Variants in CLEC2A observed in about 807,000 individuals in gnomAD.
CLEC2A encodes the protein keratinocyte-associated C-type lectin.
A neutral mutation model predicts 18.6 loss-of-function variants in CLEC2A; 19 were observed. The ratio of observed to expected loss-of-function variants is 1.02; its 90% CI spans 0.71 to 1.50. CLEC2A has a LOEUF of 1.50. Ranked by LOEUF, CLEC2A falls within the 40% of genes most tolerant of loss-of-function variation. The pLI is 0.00. For missense variants in CLEC2A, 190 were observed against 207.9 expected (o/e 0.91, Z 0.53); for synonymous variants, 74 against 64.0 (o/e 1.16, Z -0.75).
chr12:9,922,637 A>G (rs1323052836), intron 2 of CLEC2A, among the ~76,000 whole-genome samples: 1 of 152,256 alleles, frequency 6.6e-6, no homozygotes, highest in Non-Finnish European at 1.5e-5. Context: ...AAGCTAGGAA[A>G]GTGAAACTTG....
chr12:9,917,155 C>T (rs1863085827), intron 3 of CLEC2A, among the ~76,000 whole-genome samples: 1 of 152,128 alleles, frequency 6.6e-6, no homozygotes, highest in Non-Finnish European at 1.5e-5. Flanking sequence ...TATGTGATGG[C>T]TTTAGTCACT....
the CLEC2A span, among the ~76,000 whole-genome samples, chr12:9,892,108 T>C: frequency 6.6e-6 from 1 of 152,230 alleles, no homozygotes; most frequent in Non-Finnish European, 1.5e-5. Context: ...TCCTTTGCTT[T>C]AGCAAATGTA....
chr12:9,904,919 C>T (rs1862885937), intron 4 of CLEC2A, among the ~76,000 whole-genome samples: 1 of 152,142 alleles, frequency 6.6e-6, no homozygotes, highest in African/African-American at 2.4e-5. Context: ...ACCACAGGGA[C>T]TTTTTAAGGC....
the CLEC2A span, among the ~76,000 whole-genome samples, chr12:9,885,781 T>C: frequency 1.3e-5 from 2 of 152,072 alleles, no homozygotes; most frequent in Non-Finnish European, 2.9e-5. Flanking sequence ...AATTGTTCAA[T>C]GCAACATTGA....
intron 4 of CLEC2A, 26 bp from the exon 5 acceptor site, chr12:9,913,706 C>A: frequency 7.2e-7 from 1 of 1,392,002 alleles, no homozygotes; most frequent in African/African-American, 1.4e-5. Flanking sequence ...CTAAATCAGT[C>A]TGGGAACCAC....
chr12:9,904,836 G>C (rs927835888), intron 4 of CLEC2A, among the ~76,000 whole-genome samples: 1 of 152,120 alleles, frequency 6.6e-6, no homozygotes, highest in African/African-American at 2.4e-5. Context: ...TTTAGTCCTT[G>C]CAACTACTTT....
At chr12:9,899,293 A>G (rs79699564) in intron 4 of CLEC2A, among the ~76,000 whole-genome samples, 2,542 of 152,270 alleles carry the variant, frequency 0.017, 99 homozygotes, top group African/African-American at 0.057. Flanking sequence ...CCTAACTGAG[A>G]GGAGTATCTC....
chr12:9,917,785 A>T (rs546410647), intron 3 of CLEC2A, among the ~76,000 whole-genome samples: 7 of 152,306 alleles, frequency 4.6e-5, no homozygotes, highest in Admixed American at 3.3e-4. Flanking sequence ...TGACTTTTTA[A>T]TAATATCCAT....
chr12:9,924,649 A>G (rs1367120007), intron 2 of CLEC2A, among the ~76,000 whole-genome samples: 2 of 152,206 alleles, frequency 1.3e-5, no homozygotes, highest in East Asian at 3.8e-4. Context: ...AAATTTAACA[A>G]CTTCATTTTT....
chr12:9,907,805 A>C (rs951900610), intron 4 of CLEC2A, among the ~76,000 whole-genome samples: 7 of 152,210 alleles, frequency 4.6e-5, no homozygotes, highest in Non-Finnish European at 7.3e-5. Flanking sequence ...GTCCAGAATA[A>C]GGATCTTCCC....
At chr12:9,894,632 T>C (rs1160747034), downstream of CLEC2A, among the ~76,000 whole-genome samples, 1 of 152,346 alleles carries the variant, frequency 6.6e-6, no homozygotes, top group East Asian at 1.9e-4. Context: ...CAGTTACTAG[T>C]CATACTACCA....
downstream of CLEC2A, among the ~76,000 whole-genome samples, chr12:9,893,866 G>A (rs1047729661): frequency 6.6e-6 from 1 of 152,028 alleles, no homozygotes; most frequent in African/African-American, 2.4e-5. Flanking sequence ...ATAATTTTAT[G>A]CAAATACTTC....
the CLEC2A span, among the ~76,000 whole-genome samples, chr12:9,879,350 A>G: frequency 3.9e-5 from 6 of 152,186 alleles, no homozygotes; most frequent in Non-Finnish European, 8.8e-5. Flanking sequence ...GAACCACTCA[A>G]CTGGGGAGGA....
chr12:9,927,830 T>C (rs1863301458), intron 1 of CLEC2A, among the ~76,000 whole-genome samples: 2 of 151,910 alleles, frequency 1.3e-5, no homozygotes, highest in Non-Finnish European at 2.9e-5. Flanking sequence ...AAACATAAAA[T>C]GTGTTTTTTT....
At chr12:9,924,104 C>G (rs964231323) in intron 2 of CLEC2A, among the ~76,000 whole-genome samples, 1 of 151,792 alleles carries the variant, frequency 6.6e-6, no homozygotes, top group Admixed American at 6.6e-5. Context: ...TACCCTAGAA[C>G]TTAAAGTATA....
downstream of CLEC2A, among the ~76,000 whole-genome samples, chr12:9,910,382 A>G (rs914755485): frequency 6.6e-6 from 1 of 151,668 alleles, no homozygotes; most frequent in African/African-American, 2.4e-5. Context: ...GGAGTTTTCA[A>G]CCTCCCCTCT....
chr12:9,886,152 T>C, the CLEC2A span, among the ~76,000 whole-genome samples: 1 of 152,158 alleles, frequency 6.6e-6, no homozygotes, highest in Non-Finnish European at 1.5e-5. Flanking sequence ...GAATTACTAG[T>C]AGTAAAAATA....
the CLEC2A span, among the ~76,000 whole-genome samples, chr12:9,888,141 A>G: frequency 2.0e-5 from 3 of 151,784 alleles, no homozygotes; most frequent in Non-Finnish European, 4.4e-5. Context: ...GTCCAGTGAA[A>G]AAAATAATAT....
intron 4 of CLEC2A, among the ~76,000 whole-genome samples, chr12:9,914,070 TA>T (rs1343719899): frequency 6.6e-6 from 1 of 152,166 alleles, no homozygotes; most frequent in Non-Finnish European, 1.5e-5. Flanking sequence ...TTCCTGAAAT[TA>T]AAAAAATTCA....
Sources: gnomAD v4.1 joint callset for allele counts (sites outside exome capture counted in the v4.1 genomes callset) on GRCh38, gnomAD v4.1.1 for gene constraint, MANE v1.5 for transcripts, NCBI Gene and HGNC (gene_info 2026-07-23, HGNC 2026-07-21) for gene names.